CSMD3: variants seen among roughly 807,000 people sequenced by gnomAD.
CSMD3 encodes the protein CUB and Sushi multiple domains 3.
CSMD3 carries 177 observed loss-of-function variants against 435.2 expected under a neutral mutation model. That is an observed-to-expected ratio of 0.41 (90% CI 0.36 to 0.46). CSMD3 has a LOEUF of 0.46. Among genes scored for constraint, CSMD3 ranks in the 20% least tolerant of loss-of-function variants. The pLI is 0.34. For missense variants in CSMD3, 4,265 were observed against 4,504.6 expected (o/e 0.95, Z 1.52); for synonymous variants, 1,656 against 1,520.5 (o/e 1.09, Z -2.07).
intron 13 of CSMD3, among the ~76,000 whole-genome samples, chr8:112,700,431 G>T (rs1183259877): frequency 6.6e-6 from 1 of 152,120 alleles, no homozygotes; most frequent in African/African-American, 2.4e-5. Context: ...AACCCAGGAG[G>T]CAGAGGTTGT....
At chr8:113,157,413 T>C (rs889552453) in intron 4 of CSMD3, among the ~76,000 whole-genome samples, 1 of 133,360 alleles carries the variant, frequency 7.5e-6, no homozygotes, top group Non-Finnish European at 1.8e-5. Flanking sequence ...AGCTGTCAAG[T>C]AGAGCAAAAT....
Position 112,549,855 on chromosome 8 carries a change from G to A in CSMD3, c.4564+816C>T, listed in dbSNP as rs549751252. ...AGTAAACAGCCAGAATTTGAATTCCGACACATTTGAAGAGTACTGGTTTTC... is the reference window on the plus strand; with the variant it reads ...AGTAAACAGCCAGAATTTGAATTCCAACACATTTGAAGAGTACTGGTTTTC... On this transcript the variant is annotated intron_variant, in intron 27 of 70. Transcript: ENST00000297405. Among the ~76,000 whole-genome samples, 10 of 151,984 alleles carry A rather than the reference G, an allele frequency of 6.6e-5. No homozygotes were observed. The South Asian group carries it at 8.3e-4, about 13-fold the overall frequency.
intron 9 of CSMD3, among the ~76,000 whole-genome samples, chr8:112,937,157 T>C (rs1025366087): frequency 3.9e-5 from 6 of 152,088 alleles, no homozygotes; most frequent in Non-Finnish European, 8.8e-5. Flanking sequence ...TCCTATCAGT[T>C]TGGATAACAT....
At chr8:112,968,240 C>G (rs1407174157) in intron 7 of CSMD3, among the ~76,000 whole-genome samples, 3 of 151,778 alleles carry the variant, frequency 2.0e-5, no homozygotes, top group Admixed American at 2.0e-4. Flanking sequence ...TACATGTCAG[C>G]TCAACACCAG....
chr8:112,845,277 A>C (rs2080287677), intron 11 of CSMD3, among the ~76,000 whole-genome samples: 1 of 152,020 alleles, frequency 6.6e-6, no homozygotes, highest in Non-Finnish European at 1.5e-5. Flanking sequence ...GGGTTAAACT[A>C]AGGAAAATAA....
At chr8:112,398,947 C>T (rs970786014) in intron 35 of CSMD3, among the ~76,000 whole-genome samples, 4 of 150,924 alleles carry the variant, frequency 2.7e-5, no homozygotes, top group East Asian at 1.9e-4. Flanking sequence ...GACAGAATCT[C>T]GCTCTGTTGC....
chr8:113,061,208 T>G (rs1482840531), intron 5 of CSMD3, among the ~76,000 whole-genome samples: 1 of 152,146 alleles, frequency 6.6e-6, no homozygotes, highest in Non-Finnish European at 1.5e-5. Flanking sequence ...TGTTTGGAAT[T>G]GCATGCACAT....
intron 23 of CSMD3, among the ~76,000 whole-genome samples, chr8:112,578,632 T>G (rs1348718232): frequency 2.0e-5 from 3 of 152,024 alleles, no homozygotes; most frequent in South Asian, 2.1e-4. Context: ...CTGCTAAATG[T>G]GTATACTTGT....
chr8:112,403,245 T>C (rs1831488902), intron 35 of CSMD3, among the ~76,000 whole-genome samples: 2 of 152,146 alleles, frequency 1.3e-5, no homozygotes, highest in Admixed American at 1.3e-4. Flanking sequence ...GTAGAAAAAC[T>C]TAGTTTTAAA....
intron 5 of CSMD3, among the ~76,000 whole-genome samples, chr8:113,054,121 TTCTC>T (rs759511072): frequency 1.3e-5 from 2 of 152,144 alleles, no homozygotes; most frequent in African/African-American, 2.4e-5. Flanking sequence ...ATCTCTTAAA[TTCTC>T]TCTTTTTTAA....
At chr8:112,409,376 C>A (rs549567202) in intron 32 of CSMD3, among the ~76,000 whole-genome samples, 2 of 151,954 alleles carry the variant, frequency 1.3e-5, no homozygotes, top group East Asian at 3.9e-4. Context: ...TGGTTTGATT[C>A]TTTTCACTTT....
At chr8:113,153,130 A>AGAAAGAAGGAAGGAAGGAAGGAAG (rs2091859152) in intron 4 of CSMD3, among the ~76,000 whole-genome samples, 2 of 82,766 alleles carry the variant, frequency 2.4e-5, no homozygotes, top group Non-Finnish European at 4.4e-5. Flanking sequence ...AGAAAGAGAA[A>AGAAAGAAGGAAGGAAGGAAGGAAG]GAAGGAAGGA....
At chr8:112,411,800 C>T (rs1176828659) in intron 32 of CSMD3, among the ~76,000 whole-genome samples, 1 of 152,132 alleles carries the variant, frequency 6.6e-6, no homozygotes, top group East Asian at 1.9e-4. Flanking sequence ...TCTTCTGATT[C>T]TAAAATGTTC....
chr8:113,372,952 AAAAG>A (rs2094356200), intron 1 of CSMD3, among the ~76,000 whole-genome samples: 1 of 151,780 alleles, frequency 6.6e-6, no homozygotes, highest in Non-Finnish European at 1.5e-5. Context: ...AAAAAAAAAA[AAAAG>A]AAAGAAAAGA....
chr8:113,248,502 C>A (rs1223154940), intron 3 of CSMD3, among the ~76,000 whole-genome samples: 1 of 136,890 alleles, frequency 7.3e-6, no homozygotes, highest in Non-Finnish European at 1.6e-5. Flanking sequence ...TATACACACA[C>A]ACATATATTT....
At chr8:112,374,038 C>A (rs751310998) in intron 38 of CSMD3, among the ~76,000 whole-genome samples, 2 of 152,016 alleles carry the variant, frequency 1.3e-5, no homozygotes, top group African/African-American at 2.4e-5. Flanking sequence ...TCCTTAAAGA[C>A]CAGGGCAGAA....
intron 1 of CSMD3, among the ~76,000 whole-genome samples, chr8:113,413,834 C>T (rs2094570069): frequency 6.6e-6 from 1 of 151,992 alleles, no homozygotes; most frequent in South Asian, 2.1e-4. Flanking sequence ...CTCTTTCTTC[C>T]AAAAGTTTTT....
intron 6 of CSMD3, among the ~76,000 whole-genome samples, chr8:112,981,992 T>A (rs1564175611): frequency 6.6e-6 from 1 of 151,684 alleles, no homozygotes; most frequent in Non-Finnish European, 1.5e-5. Context: ...ATAATAAGAG[T>A]GTGCTAGAGA....
At chr8:113,073,503 G>A (rs2089215846) in intron 5 of CSMD3, among the ~76,000 whole-genome samples, 1 of 151,758 alleles carries the variant, frequency 6.6e-6, no homozygotes, top group African/African-American at 2.4e-5. Context: ...GTGTAACCTG[G>A]TCCTCTTCAT....
Sources: allele counts gnomAD v4.1 joint callset (sites outside exome capture counted in the v4.1 genomes callset), GRCh38; gene constraint gnomAD v4.1.1; transcripts MANE v1.5; gene names NCBI Gene and HGNC (gene_info 2026-07-23, HGNC 2026-07-21).